The following KDM5B variants were observed in gnomAD, a reference collection of about 807,000 sequenced individuals.
The protein encoded by KDM5B is lysine demethylase 5B.
In KDM5B, 144 loss-of-function variants were observed where a neutral mutation model predicts 193.4. The ratio of observed to expected loss-of-function variants is 0.74; its 90% confidence interval spans 0.65 to 0.86. The LOEUF (loss-of-function observed/expected upper bound fraction) is 0.86. Among genes scored for constraint, KDM5B ranks in the 40% least tolerant of loss-of-function variants. The pLI is 0.00. For synonymous variants in KDM5B, 668 were observed against 682.6 expected (o/e 0.98, Z 0.33); for missense variants, 1,833 against 1,886.9 (o/e 0.97, Z 0.53).
intron 1 of KDM5B, among the ~76,000 whole-genome samples, chr1:202,802,367 CTGTT>C (rs1658110301): frequency 6.6e-6 from 1 of 151,724 alleles, no homozygotes; most frequent in African/African-American, 2.4e-5. Context: ...ATAGTTTACA[CTGTT>C]TTTTTGTTGT....
rs548894585 is a variant in KDM5B at position 202,790,057 on chromosome 1, G to T, written c.205-12963C>A. On this transcript the variant is annotated intron_variant, in intron 1 of 26. Transcript: ENST00000367265. ...GGCGGGCGGATCACCTGAGGTTGAG[G>T]GTTCGAGACCAGCCTGACCAACATG... 4.6e-5 allele frequency among the ~76,000 whole-genome samples: 7 copies of T among 151,346 alleles called. No homozygotes were observed. The South Asian group carries it at 1.5e-3, about 32-fold the overall frequency.
intron 1 of KDM5B, 64 bp downstream of exon 1, chr1:202,808,038 G>A (rs1658380625): frequency 1.9e-6 from 3 of 1,543,292 alleles, no homozygotes; most frequent in African/African-American, 1.4e-5. Context: ...GGCCTCCCCG[G>A]ACCCGCGCGT....
chr1:202,742,381 CT>C lies in KDM5B; in HGVS notation c.2589+9del. ...CCAAAGTATTCTCCCACACATCCCT[CT>C]ATGGTTACCTTTAGTAATGGTGTCT... is the stretch of plus-strand genomic sequence containing the variant. On this transcript the variant is annotated intron_variant, in intron 18 of 26. Coordinates refer to ENST00000367265, the MANE Select transcript of KDM5B (RefSeq NM_006618.5). 6.3e-7 allele frequency: 1 copy of C among 1,585,652 alleles called. No homozygotes were observed. The highest frequency in any genetic ancestry group is 8.7e-7 in the Non-Finnish European group (1 of 1,154,114).
At chr1:202,766,774 G>C (rs755439873) in intron 5 of KDM5B, 152 bp downstream of exon 5, 4 of 819,832 alleles carry the variant, frequency 4.9e-6, no homozygotes, top group Non-Finnish European at 7.5e-6. Flanking sequence ...ATTCACCCAA[G>C]TGTAAAAGCT....
At chr1:202,757,087 G>A (rs1245286260) in intron 9 of KDM5B, among the ~76,000 whole-genome samples, 2 of 106,634 alleles carry the variant, frequency 1.9e-5, no homozygotes, top group African/African-American at 5.8e-5. Context: ...GGGCGCAAGG[G>A]CTGGGAGGTG....
rs774117977 is a variant in KDM5B at position 202,808,354 on chromosome 1, G to A, written c.-49C>T. On this transcript the variant is annotated 5_prime_UTR_variant, in exon 1 of 27. Transcript: ENST00000367265. The stretch of plus-strand genomic sequence containing the variant: ...GGCGAAGGTGGGCTCCGGGACCGAG[G>A]CTGCGAGCTCCGCTCGGTCCGAGAC... 1 of 1,486,278 alleles carries A rather than the reference G, an allele frequency of 6.7e-7. No individual in the cohort carries two copies. The highest frequency in any genetic ancestry group is 2.4e-5 in the East Asian group (1 of 41,334). The allele number at this position is 1,486,278 out of a possible 1,614,324, so 92.1% of individuals were successfully genotyped here.
rs1232412981 is a variant in KDM5B, at chr1:202,728,987, G to T, written c.*49C>A. ...GCTGAGATTTGAAGAAATCCTCTTG[G>T]TTGGAGTCCTGAATTACATTAAGTA... On this transcript the variant is annotated 3_prime_UTR_variant, in exon 27 of 27. Transcript: ENST00000367265. The T allele has an allele frequency of 2.5e-6, 4 of 1,610,870 alleles. No homozygotes were observed. The highest frequency in any genetic ancestry group is 3.4e-6 in the Non-Finnish European group (4 of 1,177,620).
At chr1:202,800,948 T>C (rs1223959486) in intron 1 of KDM5B, among the ~76,000 whole-genome samples, 1 of 152,190 alleles carries the variant, frequency 6.6e-6, no homozygotes, top group Non-Finnish European at 1.5e-5. Flanking sequence ...CCCAACCTAA[T>C]TGGGCAAAAT....
intron 14 of KDM5B, among the ~76,000 whole-genome samples, chr1:202,747,332 C>A (rs1390942298): frequency 1.3e-5 from 2 of 152,066 alleles, no homozygotes; most frequent in Non-Finnish European, 2.9e-5. Flanking sequence ...GAGAATCAAT[C>A]ATGTAGTTCA....
intron 14 of KDM5B, 33 bp from the exon 15 acceptor site, chr1:202,746,356 A>G (rs1201957220): frequency 2.7e-6 from 4 of 1,470,674 alleles, no homozygotes; most frequent in Non-Finnish European, 3.7e-6. Flanking sequence ...GAGACCTCCA[A>G]AGGATAATAT....
rs1428654228 is a variant in KDM5B, at chr1:202,728,377, T to C, written c.*659A>G. On this transcript the variant is annotated 3_prime_UTR_variant, in exon 27 of 27. Transcript: ENST00000367265. ...CATCAGTGACACTAGAAACTAGACATTTGTGTTCTGTACATCAATCAATCG... is the reference window on the plus strand; with the variant it reads ...CATCAGTGACACTAGAAACTAGACACTTGTGTTCTGTACATCAATCAATCG... 6.5e-6 allele frequency: 1 copy of C among 152,696 alleles called. No individual in the cohort carries two copies. The highest frequency in any genetic ancestry group is 1.5e-5 in the Non-Finnish European group (1 of 68,056). The allele number at this position is 152,696 out of a possible 1,614,324, so 9.5% of individuals were successfully genotyped here.
intron 1 of KDM5B, among the ~76,000 whole-genome samples, chr1:202,780,918 T>C (rs1430794687): frequency 2.0e-5 from 3 of 152,154 alleles, no homozygotes; most frequent in Non-Finnish European, 4.4e-5. Context: ...ATTTTACATA[T>C]GCAGATTTTA....
In KDM5B at chr1:202,730,908, C is replaced by A. The variant is rs1168073688; in HGVS notation, c.4176+1G>T. The A allele has an allele frequency of 6.3e-7, 1 of 1,594,398 alleles. No individual in the cohort carries two copies. Among genetic ancestry groups the A allele is most frequent in the Non-Finnish European group, 8.6e-7 (1 of 1,167,994 alleles). On this transcript the variant is annotated splice_donor_variant, in intron 25 of 26. Coordinates refer to ENST00000367265, the MANE Select transcript of KDM5B (RefSeq NM_006618.5). LOFTEE classifies it high-confidence loss of function. ...GCCCCAGAAGCCTCTCAGACACTCA[C>A]CTTCTCACTGCTGGGTCTCACTGGT... is the stretch of plus-strand genomic sequence containing the variant.
chr1:202,746,393 A>T, intron 14 of KDM5B, 70 bp from the exon 15 acceptor site: 2 of 929,590 alleles, frequency 2.2e-6, no homozygotes, highest in Non-Finnish European at 3.1e-6. Context: ...ACAAACATGC[A>T]GTAGTACTTG....
Position 202,755,348 on chromosome 1 carries a change from C to A in KDM5B, c.1461G>T (p.Leu487Phe), listed in dbSNP as rs1655964786. ...ATGAAGAAAAGCACATTCCCACATA[C>A]AACCAAGGAAGTTTCATGCCACATA... Reference protein sequence around the residue: ...ADICGMKLPWLYVGMCFSSFC... With the variant: ...ADICGMKLPWFYVGMCFSSFC... The change falls in exon 11 of 27, where the codon TTG becomes TTT. Residue 487 changes from leucine to phenylalanine, a missense_variant. Transcript: ENST00000367265. The A allele has an allele frequency of 6.2e-7, 1 of 1,614,102 alleles. No individual in the cohort carries two copies.
rs1336941723 is a variant in KDM5B at position 202,727,905 on chromosome 1, A to C, written c.*1131T>G. On this transcript the variant is annotated 3_prime_UTR_variant, in exon 27 of 27. Transcript: ENST00000367265. The stretch of plus-strand genomic sequence containing the variant: ...ACAAGGAAGACTGATTTGAGGATTG[A>C]AGTGATTTGCCAACATTCTGAGAAA... 6.5e-6 allele frequency: 1 copy of C among 152,700 alleles called. No homozygotes were observed. The highest frequency in any genetic ancestry group is 1.5e-5 in the Non-Finnish European group (1 of 68,052). The allele number at this position is 152,700 out of a possible 1,614,324, so 9.5% of individuals were successfully genotyped here.
chr1:202,728,665 TG>T lies in KDM5B; in HGVS notation c.*370del, dbSNP rs1654758415. 3 of 162,250 alleles carry T rather than the reference TG, an allele frequency of 1.8e-5. No individual in the cohort carries two copies. Among genetic ancestry groups the T allele is most frequent in the Non-Finnish European group, 4.0e-5 (3 of 74,188 alleles). 10.1% of individuals were successfully genotyped at this position (162,250 alleles called of 1,614,324 possible). ...TTCTGGTGGGTGCCCTTTTGGGCAC[TG>T]GAAGTGAGTTGGACTCTTAAGCTGG... On this transcript the variant is annotated 3_prime_UTR_variant, in exon 27 of 27. Transcript: ENST00000367265.
At position 202,777,038 on chromosome 1, in the gene KDM5B, G is replaced by A; in HGVS notation, c.261C>T (p.Ile87=). 3 of 1,612,750 alleles carry A rather than the reference G, an allele frequency of 1.9e-6. No individual in the cohort carries two copies. Among genetic ancestry groups the A allele is most frequent in the Non-Finnish European group, 2.5e-6 (3 of 1,178,794 alleles). The part of the protein sequence containing the change: ...DVDKLHFTPR[I]QRLNELEAQT... ...TTACCTCCAATTCATTCAGTCTCTGGATACGTGGCGTAAAATGAAGTTTAT... is the reference window on the plus strand; with the variant it reads ...TTACCTCCAATTCATTCAGTCTCTGAATACGTGGCGTAAAATGAAGTTTAT... The change falls in exon 2 of 27, where the codon ATC becomes ATT. Residue 87 remains isoleucine (I), a synonymous_variant. Coordinates refer to ENST00000367265, the MANE Select transcript of KDM5B (RefSeq NM_006618.5).
chr1:202,755,518 G>T, intron 10 of KDM5B, 66 bp from the exon 11 acceptor site: 1 of 1,205,942 alleles, frequency 8.3e-7, no homozygotes, highest in Non-Finnish European at 1.2e-6. Context: ...TAGAAGGCCA[G>T]CTAAAAATAT....
Sources: allele counts gnomAD v4.1 joint callset (sites outside exome capture counted in the v4.1 genomes callset), GRCh38; gene constraint gnomAD v4.1.1; transcripts MANE v1.5; gene names NCBI Gene and HGNC (gene_info 2026-07-23, HGNC 2026-07-21).